The following B3GALT6 variants were observed in gnomAD, a reference collection of about 807,000 sequenced individuals.
B3GALT6 encodes the protein beta-1,3-galactosyltransferase 6.
In B3GALT6, 27 loss-of-function variants were observed where a neutral mutation model predicts 23.3. That is an observed-to-expected ratio of 1.16 (90% CI 0.85 to 1.60). B3GALT6 has a LOEUF of 1.60. Ranked by LOEUF, B3GALT6 falls within the 40% of genes most tolerant of loss-of-function variation. B3GALT6 has a pLI of 0.00. For synonymous variants in B3GALT6, 313 were observed against 232.3 expected (o/e 1.35, Z -3.16); for missense variants, 554 against 471.1 (o/e 1.18, Z -1.63).
rs984111020 is a variant in B3GALT6, at chr1:1,232,966, CTCAGCCGCGACTACCTGCGCG to C, written c.689_709del (p.Leu230_Ala237delinsPro). On this transcript the variant is annotated inframe_deletion, in exon 1 of 1. Transcript: ENST00000379198. ...GGCCGACCTGGTGCACTACCTGCGC[CTCAGCCGCGACTACCTGCGCG>C]CCTGGCACAGCGAGGACGTGTCTCT... The C allele has an allele frequency of 6.4e-7, 1 of 1,563,210 alleles. No individual in the cohort carries two copies. Among genetic ancestry groups the C allele is most frequent in the African/African-American group, 1.4e-5 (1 of 73,870 alleles).
At position 1,233,087 on chromosome 1, in the gene B3GALT6, G is replaced by A; in HGVS notation, c.809G>A (p.Gly270Asp). The part of the protein sequence containing the change: ...PRFDTEYRSR[G>D]CSNQYLVTHK... ...TTCGACACCGAATACCGGTCCCGCG[G>A]CTGCAGCAACCAGTACCTGGTGACG... Residue 270 changes from glycine to aspartate, a missense_variant, in exon 1 of 1, where the codon GGC (glycine) becomes GAC (aspartate). Transcript: ENST00000379198. The A allele has an allele frequency of 6.4e-7, 1 of 1,559,844 alleles. No individual in the cohort carries two copies. The highest frequency in any genetic ancestry group is 8.6e-7 in the Non-Finnish European group (1 of 1,157,108).
rs1223258010 is a variant in B3GALT6 at position 1,234,891 on chromosome 1, C to G, written c.*1623C>G. 6.0e-6 allele frequency: 1 copy of G among 166,880 alleles called. No homozygotes were observed. The highest frequency in any genetic ancestry group is 1.5e-5 in the Non-Finnish European group (1 of 68,126). The allele number at this position is 166,880 out of a possible 1,614,324, so 10.3% of individuals were successfully genotyped here. ...CTGCGTCGCCCAGTTCTTTGTGGCT[C>G]TGAAGAATTGGCCGCTGTGGAAAAG... On this transcript the variant is annotated 3_prime_UTR_variant, in exon 1 of 1. Transcript: ENST00000379198.
At position 1,233,370 on chromosome 1, in the gene B3GALT6, C is replaced by G; in HGVS notation, c.*102C>G. On this transcript the variant is annotated 3_prime_UTR_variant, in exon 1 of 1. Coordinates refer to ENST00000379198, the MANE Select transcript of B3GALT6 (RefSeq NM_080605.4). Reference sequence around the variant, plus strand: ...CGCCCGGGCCCCAAGGCCCCCGTCCCGCAGCCACGCTTGTGGTCGCTGCGT... The same window carrying G: ...CGCCCGGGCCCCAAGGCCCCCGTCCGGCAGCCACGCTTGTGGTCGCTGCGT... 7.6e-7 allele frequency: 1 copy of G among 1,323,108 alleles called. No individual in the cohort carries two copies. Among genetic ancestry groups the G allele is most frequent in the South Asian group, 1.8e-5 (1 of 57,044 alleles). 82.0% of individuals were successfully genotyped at this position (1,323,108 alleles called of 1,614,324 possible).
Position 1,233,490 on chromosome 1 carries a change from C to A in B3GALT6, c.*222C>A. On this transcript the variant is annotated 3_prime_UTR_variant, in exon 1 of 1. Coordinates refer to ENST00000379198, the MANE Select transcript of B3GALT6 (RefSeq NM_080605.4). The stretch of plus-strand genomic sequence containing the variant: ...TTCCTGGACCTCAGCGAGCCTGAGC[C>A]GGGCCCGGCCGCACGCTGACCCCCG... The A allele has an allele frequency of 1.9e-6, 1 of 519,294 alleles. No individual in the cohort carries two copies. The allele number at this position is 519,294 out of a possible 1,614,324, so 32.2% of individuals were successfully genotyped here.
rs1434597784 is a variant in B3GALT6, at chr1:1,232,259, G to A, written c.-20G>A. 2 of 980,540 alleles carry A rather than the reference G, an allele frequency of 2.0e-6. No homozygotes were observed. Among genetic ancestry groups the A allele is most frequent in the African/African-American group, 1.8e-5 (1 of 56,510 alleles). The allele number at this position is 980,540 out of a possible 1,614,324, so 60.7% of individuals were successfully genotyped here. A position where few individuals can be genotyped will look rare whatever the true frequency, so the allele number is the denominator to read the frequency against. ...CGCACTCGCGAGTCCGGCCTGGGCC[G>A]CCGGCCCGGCGCGGGCGCCATGAAG... On this transcript the variant is annotated 5_prime_UTR_variant, in exon 1 of 1. Coordinates refer to ENST00000379198, the MANE Select transcript of B3GALT6 (RefSeq NM_080605.4).
At position 1,233,435 on chromosome 1, in the gene B3GALT6, C is replaced by A; in HGVS notation, c.*167C>A. Reference sequence around the variant, plus strand: ...GGGAGACCCCTGGGGGTTGCCGGGGCAGCGCGCCGTGTCCAGGTGGAGGTG... The same window carrying A: ...GGGAGACCCCTGGGGGTTGCCGGGGAAGCGCGCCGTGTCCAGGTGGAGGTG... On this transcript the variant is annotated 3_prime_UTR_variant, in exon 1 of 1. Transcript: ENST00000379198. The A allele has an allele frequency of 1.1e-6, 1 of 933,614 alleles. No individual in the cohort carries two copies. Among genetic ancestry groups the A allele is most frequent in the Non-Finnish European group, 1.5e-6 (1 of 683,220 alleles). 57.8% of individuals were successfully genotyped at this position (933,614 alleles called of 1,614,324 possible). A position where few individuals can be genotyped will look rare whatever the true frequency, so the allele number is the denominator to read the frequency against.
rs1638531033 is a variant in B3GALT6, at chr1:1,232,318, C to T, written c.40C>T (p.Leu14=). The stretch of plus-strand genomic sequence containing the variant: ...GCGGGCGTGGCGGCGGCGGGCGGCG[C>T]TAGGCCTGGGCACGCTGGCGCTGTG... ...LRRAWRRRAA[L]GLGTLALCGA... is the part of the protein sequence containing the mutation. Residue 14 remains leucine, a synonymous_variant, in exon 1 of 1, where the codon CTA becomes TTA. Coordinates refer to ENST00000379198, the MANE Select transcript of B3GALT6 (RefSeq NM_080605.4). 3 of 983,630 alleles carry T rather than the reference C, an allele frequency of 3.0e-6. No homozygotes were observed. Among genetic ancestry groups the T allele is most frequent in the Non-Finnish European group, 3.6e-6 (3 of 830,164 alleles). The allele number at this position is 983,630 out of a possible 1,614,324, so 60.9% of individuals were successfully genotyped here.
At position 1,232,665 on chromosome 1, in the gene B3GALT6, C is replaced by G; in HGVS notation, c.387C>G (p.Tyr129Ter). 2.2e-6 allele frequency: 3 copies of G among 1,334,918 alleles called. No homozygotes were observed. Among genetic ancestry groups the G allele is most frequent in the Middle Eastern group, 2.0e-4 (1 of 4,940 alleles). 82.7% of individuals were successfully genotyped at this position (1,334,918 alleles called of 1,614,324 possible). The change falls in exon 1 of 1, where the codon TAC becomes TAG. Residue 129 changes from tyrosine (Y) to a stop codon, truncating the protein, a stop_gained. Coordinates refer to ENST00000379198, the MANE Select transcript of B3GALT6 (RefSeq NM_080605.4). LOFTEE classifies it high-confidence loss of function. Reference protein sequence around the residue: ...LLLLPALRDAYENLTAKVLAM... With the variant: ...LLLLPALRDA ...TGCTGCCCGCGCTGCGCGACGCCTA[C>G]GAAAACCTCACGGCCAAGGTGCTGG...
chr1:1,233,501 G>T lies in B3GALT6; in HGVS notation c.*233G>T. On this transcript the variant is annotated 3_prime_UTR_variant, in exon 1 of 1. Transcript: ENST00000379198. ...CAGCGAGCCTGAGCCGGGCCCGGCCGCACGCTGACCCCCGTGCTGTCCCCG... is the reference window on the plus strand; with the variant it reads ...CAGCGAGCCTGAGCCGGGCCCGGCCTCACGCTGACCCCCGTGCTGTCCCCG... The T allele has an allele frequency of 2.1e-6, 1 of 476,260 alleles. No homozygotes were observed. 29.5% of individuals were successfully genotyped at this position (476,260 alleles called of 1,614,324 possible). A position where few individuals can be genotyped will look rare whatever the true frequency, so the allele number is the denominator to read the frequency against.
In B3GALT6 at chr1:1,232,992, G is replaced by T. The variant is rs763793399; in HGVS notation, c.714G>T (p.Trp238Cys). ...TCAGCCGCGACTACCTGCGCGCCTG[G>T]CACAGCGAGGACGTGTCTCTGGGCG... ...LRLSRDYLRAWHSEDVSLGAW... is the reference protein window; with the variant it reads ...LRLSRDYLRACHSEDVSLGAW... The change falls in exon 1 of 1, where the codon TGG (tryptophan) becomes TGT (cysteine). Residue 238 changes from tryptophan (W) to cysteine (C), a missense_variant. Coordinates refer to ENST00000379198, the MANE Select transcript of B3GALT6 (RefSeq NM_080605.4). The T allele has an allele frequency of 1.9e-5, 30 of 1,562,782 alleles. No individual in the cohort carries two copies. The highest frequency in any genetic ancestry group is 2.4e-5 in the Non-Finnish European group (28 of 1,161,426).
rs1402516604 is a variant in B3GALT6 at position 1,233,246 on chromosome 1, A to G, written c.968A>G (p.Gln323Arg). 1 of 1,481,166 alleles carries G rather than the reference A, an allele frequency of 6.8e-7. No individual in the cohort carries two copies. The highest frequency in any genetic ancestry group is 1.4e-5 in the African/African-American group (1 of 69,782). 91.8% of individuals were successfully genotyped at this position (1,481,166 alleles called of 1,614,324 possible). A position where few individuals can be genotyped will look rare whatever the true frequency, so the allele number is the denominator to read the frequency against. Residue 323 changes from glutamine to arginine, a missense_variant, in exon 1 of 1, where the codon CAG becomes CGG. Transcript: ENST00000379198. ...TCCGCGCCGCCCTCGCAGTGCTGCCAGAGAAGGGAGGGCATCCCCTGAGCC... is the reference window on the plus strand; with the variant it reads ...TCCGCGCCGCCCTCGCAGTGCTGCCGGAGAAGGGAGGGCATCCCCTGAGCC... Reference protein sequence around the residue: ...DWSAPPSQCCQRREGIP With the variant: ...DWSAPPSQCCRRREGIP
rs1638533336 is a variant in B3GALT6 at position 1,232,368 on chromosome 1, G to A, written c.90G>A (p.Ala30=). ...ALCGAALLYL[A]RCAAEPGDPR... Reference sequence around the variant, plus strand: ...GCGGGGCGGCGCTGCTCTACCTGGCGCGCTGCGCGGCCGAGCCCGGGGACC... The same window carrying A: ...GCGGGGCGGCGCTGCTCTACCTGGCACGCTGCGCGGCCGAGCCCGGGGACC... The change falls in exon 1 of 1, where the codon GCG becomes GCA. Residue 30 remains alanine (A), a synonymous_variant. Transcript: ENST00000379198. 2 of 986,236 alleles carry A rather than the reference G, an allele frequency of 2.0e-6. No homozygotes were observed. Among genetic ancestry groups the A allele is most frequent in the Non-Finnish European group, 2.4e-6 (2 of 831,878 alleles). The allele number at this position is 986,236 out of a possible 1,614,324, so 61.1% of individuals were successfully genotyped here. A position where few individuals can be genotyped will look rare whatever the true frequency, so the allele number is the denominator to read the frequency against.
At position 1,232,656 on chromosome 1, in the gene B3GALT6, C is replaced by A; in HGVS notation, c.378C>A (p.Arg126=). The A allele has an allele frequency of 7.6e-7, 1 of 1,317,406 alleles. No homozygotes were observed. The allele number at this position is 1,317,406 out of a possible 1,614,324, so 81.6% of individuals were successfully genotyped here. Residue 126 remains arginine (R), a synonymous_variant, in exon 1 of 1, where the codon CGC becomes CGA. Coordinates refer to ENST00000379198, the MANE Select transcript of B3GALT6 (RefSeq NM_080605.4). ...ACCTGCTGCTGCTGCCCGCGCTGCG[C>A]GACGCCTACGAAAACCTCACGGCCA... ...HGDLLLLPAL[R]DAYENLTAKV... is the part of the protein sequence containing the mutation.
Position 1,232,897 on chromosome 1 carries a change from G to C in B3GALT6, c.619G>C (p.Asp207His), listed in dbSNP as rs397514723. The C allele has an allele frequency of 6.4e-7, 1 of 1,562,298 alleles. No individual in the cohort carries two copies. Among genetic ancestry groups the C allele is most frequent in the South Asian group, 1.2e-5 (1 of 85,924 alleles). Residue 207 changes from aspartate to histidine, a missense_variant, in exon 1 of 1, where the codon GAC (aspartate) becomes CAC (histidine). Physicochemically the swap from Asp to His is moderately conservative, Grantham distance 81. Coordinates refer to ENST00000379198, the MANE Select transcript of B3GALT6 (RefSeq NM_080605.4). ...RWREAAWQLC[D>H]YYLPYALGGG... ...GCGCGAGGCCGCCTGGCAACTCTGC[G>C]ACTACTACCTGCCCTACGCGCTGGG...
Position 1,233,378 on chromosome 1 carries a change from C to T in B3GALT6, c.*110C>T, listed in dbSNP as rs1638581981. 3.1e-6 allele frequency: 4 copies of T among 1,290,026 alleles called. No homozygotes were observed. In the African/African-American group the frequency reaches 4.8e-5, roughly 15 times the overall value. 79.9% of individuals were successfully genotyped at this position (1,290,026 alleles called of 1,614,324 possible). On this transcript the variant is annotated 3_prime_UTR_variant, in exon 1 of 1. Coordinates refer to ENST00000379198, the MANE Select transcript of B3GALT6 (RefSeq NM_080605.4). ...CCCCAAGGCCCCCGTCCCGCAGCCA[C>T]GCTTGTGGTCGCTGCGTCCCGGTCT...
Position 1,232,890 on chromosome 1 carries a change from A to G in B3GALT6, c.612A>G (p.Gln204=), listed in dbSNP as rs1371281838. ...GGCGCTGGCGCGAGGCCGCCTGGCA[A>G]CTCTGCGACTACTACCTGCCCTACG... ...PGGRWREAAW[Q]LCDYYLPYAL... The change falls in exon 1 of 1, where the codon CAA becomes CAG. Residue 204 remains glutamine, a synonymous_variant. Transcript: ENST00000379198. 1.9e-6 allele frequency: 3 copies of G among 1,554,844 alleles called. No homozygotes were observed. The highest frequency in any genetic ancestry group is 2.8e-5 in the African/African-American group (2 of 71,168).
Position 1,232,647 on chromosome 1 carries a change from C to G in B3GALT6, c.369C>G (p.Pro123=). ...QARHGDLLLL[P]ALRDAYENLT... ...GGCACGGGGACCTGCTGCTGCTGCC[C>G]GCGCTGCGCGACGCCTACGAAAACC... The change falls in exon 1 of 1, where the codon CCC becomes CCG. Residue 123 remains proline (P), a synonymous_variant. Transcript: ENST00000379198. The G allele has an allele frequency of 7.7e-7, 1 of 1,297,758 alleles. No individual in the cohort carries two copies. The highest frequency in any genetic ancestry group is 9.8e-7 in the Non-Finnish European group (1 of 1,019,320). 80.4% of individuals were successfully genotyped at this position (1,297,758 alleles called of 1,614,324 possible).
rs1638548585 is a variant in B3GALT6 at position 1,232,625 on chromosome 1, A to G, written c.347A>G (p.His116Arg). The G allele has an allele frequency of 7.9e-7, 1 of 1,259,860 alleles. No individual in the cohort carries two copies. Among genetic ancestry groups the G allele is most frequent in the Non-Finnish European group, 1.0e-6 (1 of 1,000,810 alleles). 78.0% of individuals were successfully genotyped at this position (1,259,860 alleles called of 1,614,324 possible). The change falls in exon 1 of 1, where the codon CAC becomes CGC. Residue 116 changes from histidine (H) to arginine (R), a missense_variant. By Grantham distance (29) the His-to-Arg change is conservative. Coordinates refer to ENST00000379198, the MANE Select transcript of B3GALT6 (RefSeq NM_080605.4). ...RRALEREQAR[H>R]GDLLLLPALR... ...GCCCTGGAGCGGGAGCAGGCGCGGC[A>G]CGGGGACCTGCTGCTGCTGCCCGCG... is the stretch of plus-strand genomic sequence containing the variant.
At position 1,233,537 on chromosome 1, in the gene B3GALT6, G is replaced by A; in HGVS notation, c.*269G>A. The stretch of plus-strand genomic sequence containing the variant: ...CCCGTGCTGTCCCCGACCGGCTCAC[G>A]GGGCTGGGCTCCGATCTTCCGTGTC... On this transcript the variant is annotated 3_prime_UTR_variant, in exon 1 of 1. Transcript: ENST00000379198. 2 of 379,018 alleles carry A rather than the reference G, an allele frequency of 5.3e-6. No homozygotes were observed. Among genetic ancestry groups the A allele is most frequent in the Non-Finnish European group, 4.9e-6 (1 of 204,738 alleles). The allele number at this position is 379,018 out of a possible 1,614,324, so 23.5% of individuals were successfully genotyped here.
Sources: allele counts gnomAD v4.1 joint callset, GRCh38; gene constraint gnomAD v4.1.1; transcripts MANE v1.5; gene names NCBI Gene and HGNC (gene_info 2026-07-23, HGNC 2026-07-21).